Variants in PRIM2 observed in about 807,000 individuals in gnomAD.
PRIM2 encodes DNA primase subunit 2, also known as DNA primase large subunit.
PRIM2 carries 39 observed loss-of-function variants against 67.3 expected under a neutral mutation model. The ratio of observed to expected loss-of-function variants is 0.58; its 90% CI spans 0.45 to 0.76. The LOEUF (loss-of-function observed/expected upper bound fraction) is 0.76. PRIM2 is among the 30% of genes least tolerant of loss of function. The pLI is 0.00. For missense variants in PRIM2, 398 were observed against 598.7 expected (o/e 0.66, Z 3.50); for synonymous variants, 143 against 198.7 (o/e 0.72, Z 2.36).
the PRIM2 span, among the ~76,000 whole-genome samples, chr6:57,275,540 T>C: frequency 1.8e-4 from 28 of 152,356 alleles, no homozygotes; most frequent in South Asian, 5.8e-3. Context: ...CAGTTACTAC[T>C]GAATGAATCC....
the PRIM2 span, among the ~76,000 whole-genome samples, chr6:57,269,870 C>G: frequency 2.6e-5 from 4 of 152,308 alleles, no homozygotes; most frequent in African/African-American, 9.6e-5. Flanking sequence ...TTTCCCACCA[C>G]CATTTATTAA....
At chr6:57,287,619 G>T in the PRIM2 span, among the ~76,000 whole-genome samples, 1 of 152,074 alleles carries the variant, frequency 6.6e-6, no homozygotes, top group African/African-American at 2.4e-5. Flanking sequence ...GGGGGTGGGG[G>T]CAAGAGGAGG....
chr6:57,319,919 CT>C (rs1311598896), intron 2 of PRIM2, among the ~76,000 whole-genome samples: 2 of 152,140 alleles, frequency 1.3e-5, no homozygotes, highest in African/African-American at 2.4e-5. Flanking sequence ...AATAATTCAT[CT>C]GAGGAAAGAT....
At chr6:57,434,971 A>G (rs1771967206) in intron 7 of PRIM2, 2 of 149,910 alleles carry the variant, frequency 1.3e-5, no homozygotes, top group African/African-American at 4.9e-5. Context: ...GTTTTTGTAG[A>G]TATGGAGTCT....
chr6:57,330,117 TAA>T (rs1258868223), intron 5 of PRIM2, among the ~76,000 whole-genome samples: 1 of 152,178 alleles, frequency 6.6e-6, no homozygotes, highest in African/African-American at 2.4e-5. Context: ...GTAATGATAT[TAA>T]GTCTTCCAAT....
At chr6:57,460,146 C>T (rs1417969418) in intron 7 of PRIM2, among the ~76,000 whole-genome samples, 2 of 151,168 alleles carry the variant, frequency 1.3e-5, no homozygotes, top group Non-Finnish European at 2.9e-5. Context: ...TCCATACAGA[C>T]CAGGGGTCTA....
At chr6:57,478,921 C>T (rs1364766768) in intron 7 of PRIM2, among the ~76,000 whole-genome samples, 1 of 152,136 alleles carries the variant, frequency 6.6e-6, no homozygotes, top group African/African-American at 2.4e-5. Context: ...CCAAGGTGGG[C>T]GAATCACCTG....
the PRIM2 span, among the ~76,000 whole-genome samples, chr6:57,278,780 G>T: frequency 6.6e-6 from 1 of 152,074 alleles, no homozygotes; most frequent in Admixed American, 6.6e-5. Context: ...GAGGGAAAGC[G>T]TGTCCAGCAG....
At chr6:57,452,936 T>C (rs1369493621) in intron 7 of PRIM2, among the ~76,000 whole-genome samples, 3 of 152,226 alleles carry the variant, frequency 2.0e-5, no homozygotes, top group African/African-American at 7.2e-5. Flanking sequence ...ATTTAAGTCT[T>C]TAATCCATCT....
intron 10 of PRIM2, among the ~76,000 whole-genome samples, chr6:57,594,685 G>A (rs1487289526): frequency 1.3e-5 from 2 of 152,092 alleles, no homozygotes; most frequent in Admixed American, 1.3e-4. Context: ...GATGAATCAG[G>A]ACCTAGACTT....
At chr6:57,565,512 G>T (rs1282984585) in intron 10 of PRIM2, among the ~76,000 whole-genome samples, 1 of 151,044 alleles carries the variant, frequency 6.6e-6, no homozygotes, top group Non-Finnish European at 1.5e-5. Flanking sequence ...CCAGTCCAAG[G>T]ATAGGAGAAG....
intron 7 of PRIM2, among the ~76,000 whole-genome samples, chr6:57,440,347 T>C (rs912685577): frequency 4.4e-4 from 67 of 152,328 alleles, no homozygotes; most frequent in African/African-American, 1.3e-3. Context: ...TGCAGTGTTA[T>C]AGTGTGATCA....
At chr6:57,481,377 TTTG>T (rs1773624669) in intron 7 of PRIM2, among the ~76,000 whole-genome samples, 2 of 152,262 alleles carry the variant, frequency 1.3e-5, no homozygotes, top group Admixed American at 6.5e-5. Context: ...GATTGGCTGT[TTTG>T]TTGTTGTTGT....
chr6:57,552,996 G>A (rs1320095628), intron 10 of PRIM2, among the ~76,000 whole-genome samples: 2 of 152,090 alleles, frequency 1.3e-5, no homozygotes, highest in East Asian at 3.8e-4. Flanking sequence ...TTTAGACAGT[G>A]TACTCAAAAA....
At chr6:57,619,061 C>T (rs1389773883) in intron 12 of PRIM2, among the ~76,000 whole-genome samples, 1 of 152,278 alleles carries the variant, frequency 6.6e-6, no homozygotes, top group East Asian at 1.9e-4. Flanking sequence ...CGCTGGTATC[C>T]GTGGTTGAGA....
At chr6:57,599,646 A>G (rs1200145664) in intron 10 of PRIM2, among the ~76,000 whole-genome samples, 3 of 152,168 alleles carry the variant, frequency 2.0e-5, no homozygotes, top group East Asian at 1.9e-4. Flanking sequence ...CTCTAGGACC[A>G]TAAACTCCTT....
At chr6:57,495,549 A>C (rs1287643720) in intron 7 of PRIM2, among the ~76,000 whole-genome samples, 4 of 152,302 alleles carry the variant, frequency 2.6e-5, no homozygotes, top group African/African-American at 4.8e-5. Context: ...TGAATTATAC[A>C]TTTGGATCAG....
intron 7 of PRIM2, among the ~76,000 whole-genome samples, chr6:57,484,917 C>T (rs1242918542): frequency 6.6e-6 from 1 of 152,088 alleles, no homozygotes; most frequent in Non-Finnish European, 1.5e-5. Flanking sequence ...TTTGTTTCCA[C>T]CATTAGAAGA....
Position 57,349,384 on chromosome 6 carries a change from C to G in PRIM2, c.459+23339C>G, listed in dbSNP as rs549118671. 1.3e-3 allele frequency among the ~76,000 whole-genome samples: 195 copies of G among 150,778 alleles called. 5 individuals carry two copies. The East Asian group carries it at 0.017, about 13-fold the overall frequency. ...ATGTTTTTGCTGATGGGTATGGTAT[C>G]TAACTACTTGATCATGTAGTCTAGG... On this transcript the variant is annotated intron_variant, in intron 5 of 13. Coordinates refer to ENST00000615550, the MANE Select transcript of PRIM2 (RefSeq NM_000947.5).
Sources: gnomAD v4.1 joint callset for allele counts (sites outside exome capture counted in the v4.1 genomes callset) on GRCh38, gnomAD v4.1.1 for gene constraint, MANE v1.5 for transcripts, NCBI Gene and HGNC (gene_info 2026-07-23, HGNC 2026-07-21) for gene names.